Variants in CLPTM1L observed in about 807,000 individuals in gnomAD.
CLPTM1L encodes lipid scramblase CLPTM1L.
In CLPTM1L, 38 loss-of-function variants were observed where a neutral mutation model predicts 70.9. The ratio of observed to expected loss-of-function variants is 0.54; its 90% CI spans 0.41 to 0.70. The LOEUF is 0.70. Among genes scored for constraint, CLPTM1L ranks in the 30% least tolerant of loss-of-function variants. The pLI is 0.00. For missense variants in CLPTM1L, 652 were observed against 705.9 expected (o/e 0.92, Z 0.87); for synonymous variants, 339 against 299.9 (o/e 1.13, Z -1.35).
intron 3 of CLPTM1L, among the ~76,000 whole-genome samples, chr5:1,339,914 C>T (rs900076674): frequency 1.2e-4 from 18 of 150,676 alleles, no homozygotes; most frequent in African/African-American, 3.9e-4. Flanking sequence ...AGCGCCCTAA[C>T]CTGTGAACAG....
rs1179671470 is a variant in CLPTM1L, at chr5:1,344,912, CCCGCCGCTCCGGGCT to C, written c.-86_-72del. The C allele has an allele frequency of 3.3e-3, 2,963 of 903,234 alleles. 61 individuals are homozygous for C. The African/African-American group carries it at 0.044, about 14-fold the overall frequency. 56.0% of individuals were successfully genotyped at this position (903,234 alleles called of 1,614,324 possible). A position where few individuals can be genotyped will look rare whatever the true frequency, so the allele number is the denominator to read the frequency against. On this transcript the variant is annotated 5_prime_UTR_variant, in exon 1 of 17. Transcript: ENST00000320895. Reference sequence around the variant, plus strand: ...CGAGCCCCGCCCGCCCGGCGCCCAGCCCGCCGCTCCGGGCTCCGCCGCTCACTGGAGAGCCGCCGC... The same window carrying C: ...CGAGCCCCGCCCGCCCGGCGCCCAGCCCGCCGCTCACTGGAGAGCCGCCGC...
chr5:1,318,381 G>T lies in CLPTM1L; in HGVS notation c.1605C>A (p.Pro535=). 3 of 1,613,530 alleles carry T rather than the reference G, an allele frequency of 1.9e-6. No individual in the cohort carries two copies. The highest frequency in any genetic ancestry group is 2.5e-6 in the Non-Finnish European group (3 of 1,179,872). Residue 535 remains proline, a synonymous_variant, in exon 17 of 17, where the codon CCC becomes CCA. Coordinates refer to ENST00000320895, the MANE Select transcript of CLPTM1L (RefSeq NM_030782.5). This position sits in a 1 kb window ranked among gnomAD's most constrained non-coding sequence, Gnocchi z 8.9. ...ESYEEKATRA[P]HTD ...GCCCGGGCGGCCTTCAGTCCGTGTG[G>T]GGCGCCCGCGTGGCCTTCTCCTCGT...
chr5:1,336,547 C>G (rs1241196089), intron 5 of CLPTM1L, among the ~76,000 whole-genome samples: 1 of 152,238 alleles, frequency 6.6e-6, no homozygotes, highest in African/African-American at 2.4e-5. Flanking sequence ...TGAGGCTTCA[C>G]AAGAGGTGAC....
chr5:1,334,277 T>G lies in CLPTM1L; in HGVS notation c.891+12A>C. The G allele has an allele frequency of 6.2e-7, 1 of 1,609,530 alleles. No individual in the cohort carries two copies. Among genetic ancestry groups the G allele is most frequent in the African/African-American group, 1.3e-5 (1 of 74,858 alleles). The stretch of plus-strand genomic sequence containing the variant: ...CAAGTGCCTGCGGCAAGCCCCCCGG[T>G]GGATGACTCACATGGAACGCTGCGA... On this transcript the variant is annotated intron_variant, in intron 7 of 16. Coordinates refer to ENST00000320895, the MANE Select transcript of CLPTM1L (RefSeq NM_030782.5).
intron 5 of CLPTM1L, among the ~76,000 whole-genome samples, chr5:1,336,982 T>C (rs953536670): frequency 2.6e-5 from 4 of 152,272 alleles, no homozygotes; most frequent in Admixed American, 2.6e-4. Context: ...TCCCCAGGAC[T>C]GTTTCCTCTT....
rs572242115 is a variant in CLPTM1L, at chr5:1,318,673, A to C, written c.1533-220T>G. ...CAGGCCAGCGTGCTGCTCTCAAGGA[A>C]AGGGAAGCTTGGCCGAAGGGACGAC... On this transcript the variant is annotated intron_variant, in intron 16 of 16. Transcript: ENST00000320895. This position sits in a 1 kb window ranked among gnomAD's most constrained non-coding sequence, Gnocchi z 8.9. Among the ~76,000 whole-genome samples, 5 of 152,256 alleles carry C rather than the reference A, an allele frequency of 3.3e-5. No individual in the cohort carries two copies. The South Asian group carries it at 1.0e-3, about 32-fold the overall frequency.
At chr5:1,333,640 G>A (rs1753321933) in intron 7 of CLPTM1L, among the ~76,000 whole-genome samples, 1 of 84,286 alleles carries the variant, frequency 1.2e-5, no homozygotes, top group Non-Finnish European at 2.1e-5. Context: ...TGAGGATAAG[G>A]GGGACTACTG....
In CLPTM1L at chr5:1,334,274, C is replaced by CG; in HGVS notation, c.891+14dup. 9 of 1,606,992 alleles carry CG rather than the reference C, an allele frequency of 5.6e-6. No individual in the cohort carries two copies. The South Asian group carries it at 9.9e-5, about 18-fold the overall frequency. ...CCCCAAGTGCCTGCGGCAAGCCCCC[C>CG]GGTGGATGACTCACATGGAACGCTG... is the stretch of plus-strand genomic sequence containing the variant. On this transcript the variant is annotated intron_variant, in intron 7 of 16. Coordinates refer to ENST00000320895, the MANE Select transcript of CLPTM1L (RefSeq NM_030782.5).
chr5:1,326,047 C>T (rs962071281), intron 9 of CLPTM1L: 3 of 540,180 alleles, frequency 5.6e-6, no homozygotes, highest in East Asian at 2.9e-5. Context: ...CACCGCCCAG[C>T]GGACAACAAA....
intron 3 of CLPTM1L, 72 bp downstream of exon 3, chr5:1,341,599 T>C (rs930797670): frequency 7.4e-7 from 1 of 1,350,264 alleles, no homozygotes; most frequent in African/African-American, 1.5e-5. Context: ...ATCGCCCACC[T>C]GTGTGGAGAA....
In CLPTM1L at chr5:1,330,343, G is replaced by C; in HGVS notation, c.1017C>G (p.Phe339Leu). The C allele has an allele frequency of 2.5e-6, 4 of 1,612,866 alleles. No homozygotes were observed. The highest frequency in any genetic ancestry group is 3.4e-6 in the Non-Finnish European group (4 of 1,179,996). ...RCFSTVVIFLFLLDEQTSLLV... is the reference protein window; with the variant it reads ...RCFSTVVIFLLLLDEQTSLLV... ...GCAGGCTCGTCTGCTCGTCCAGCAG[G>C]AACAGAAAGATGACCACGGTGCTGA... Residue 339 changes from phenylalanine (F) to leucine (L), a missense_variant, in exon 9 of 17, where the codon TTC (phenylalanine) becomes TTG (leucine). Coordinates refer to ENST00000320895, the MANE Select transcript of CLPTM1L (RefSeq NM_030782.5).
At chr5:1,323,363 T>G (rs1035107887) in intron 12 of CLPTM1L, among the ~76,000 whole-genome samples, 2 of 121,330 alleles carry the variant, frequency 1.6e-5, no homozygotes, top group African/African-American at 5.6e-5. Flanking sequence ...CCGGGATCCC[T>G]CTTGGCTCAG....
Position 1,341,743 on chromosome 5 carries a change from G to A in CLPTM1L, c.381C>T (p.Val127=), listed in dbSNP as rs1029199717. The A allele has an allele frequency of 1.2e-6, 2 of 1,614,064 alleles. No individual in the cohort carries two copies. The highest frequency in any genetic ancestry group is 1.7e-6 in the Non-Finnish European group (2 of 1,180,008). ...GGACCATGTAGGTGGTCAGAGGACTGACCAGGTGCACCTGCTTCCCGTCGT... is the reference window on the plus strand; with the variant it reads ...GGACCATGTAGGTGGTCAGAGGACTAACCAGGTGCACCTGCTTCCCGTCGT... The part of the protein sequence containing the change: ...PWHDGKQVHL[V]SPLTTYMVPK... The change falls in exon 3 of 17, where the codon GTC becomes GTT. Residue 127 remains valine (V), a synonymous_variant. Transcript: ENST00000320895.
At chr5:1,334,502 C>G in intron 6 of CLPTM1L, 119 bp from the exon 7 acceptor site, 2 of 659,638 alleles carry the variant, frequency 3.0e-6, no homozygotes, top group South Asian at 3.8e-5. Flanking sequence ...GCCTGTAAAC[C>G]CAGCACTTTG....
At chr5:1,324,558 G>C (rs1460495032) in intron 11 of CLPTM1L, among the ~76,000 whole-genome samples, 1 of 152,130 alleles carries the variant, frequency 6.6e-6, no homozygotes, top group Non-Finnish European at 1.5e-5. Flanking sequence ...GTGCCTGTAA[G>C]GACTGGGAAA....
In CLPTM1L at chr5:1,337,936, C is replaced by G. The variant is rs1330696050; in HGVS notation, c.646G>C (p.Asp216His). ...TCCTTCACGCGGTTGCTGAGCTGGTCGATGAACAGGATGGGCAGGTAATGC... is the reference window on the plus strand; with the variant it reads ...TCCTTCACGCGGTTGCTGAGCTGGTGGATGAACAGGATGGGCAGGTAATGC... ...TVHYLPILFIDQLSNRVKDLM... is the reference protein window; with the variant it reads ...TVHYLPILFIHQLSNRVKDLM... The change falls in exon 5 of 17, where the codon GAC becomes CAC. Residue 216 changes from aspartate to histidine, a missense_variant. This residue lies in a region of CLPTM1L where 402 missense variants were observed against 388.2 expected (regional missense o/e 1.04). Coordinates refer to ENST00000320895, the MANE Select transcript of CLPTM1L (RefSeq NM_030782.5). The G allele has an allele frequency of 1.2e-6, 2 of 1,607,446 alleles. No individual in the cohort carries two copies. Among genetic ancestry groups the G allele is most frequent in the African/African-American group, 1.3e-5 (1 of 75,012 alleles).
chr5:1,337,040 A>G (rs1345408230), intron 5 of CLPTM1L, among the ~76,000 whole-genome samples: 1 of 152,190 alleles, frequency 6.6e-6, no homozygotes, highest in African/African-American at 2.4e-5. Context: ...AGGTGCCGAG[A>G]GCCTTAAGTG....
At chr5:1,332,041 G>A (rs780514093) in intron 7 of CLPTM1L, 158 bp from the exon 8 acceptor site, 223 of 644,142 alleles carry the variant, frequency 3.5e-4, no homozygotes, top group Non-Finnish European at 5.4e-4. Context: ...ATGCCTCTAC[G>A]CGCCTGGCCT....
intron 4 of CLPTM1L, chr5:1,338,258 G>T (rs1044948565): frequency 1.1e-5 from 6 of 525,308 alleles, no homozygotes; most frequent in African/African-American, 1.9e-5. Context: ...ACAGGGACAC[G>T]GCCGTACAGC....
Sources: allele counts gnomAD v4.1 joint callset (sites outside exome capture counted in the v4.1 genomes callset), GRCh38; gene constraint gnomAD v4.1.1; regional missense constraint gnomAD v4.1.1; non-coding constraint Gnocchi (gnomAD v3.1); transcripts MANE v1.5; gene names NCBI Gene and HGNC (gene_info 2026-07-23, HGNC 2026-07-21).